Variants in LZTFL1 observed in about 807,000 individuals in gnomAD.
LZTFL1 encodes the protein leucine zipper transcription factor-like protein 1.
LZTFL1 carries 25 observed loss-of-function variants against 45.9 expected under a neutral mutation model. The observed-to-expected ratio is 0.54, with a 90% confidence interval of 0.40 to 0.76. LZTFL1 has a LOEUF of 0.76. LZTFL1 is among the 30% of genes least tolerant of loss of function. The probability of loss-of-function intolerance (pLI) is 0.00; values close to 1 mark genes in which losing one functional copy is unlikely to be tolerated. For synonymous variants in LZTFL1, 93 were observed against 117.4 expected (o/e 0.79, Z 1.35); for missense variants, 277 against 331.1 (o/e 0.84, Z 1.27).
intron 2 of LZTFL1, among the ~76,000 whole-genome samples, chr3:45,873,061 C>A (rs1701694618): frequency 6.6e-6 from 1 of 152,024 alleles, no homozygotes; most frequent in Admixed American, 6.5e-5. Context: ...TAACAAATAC[C>A]ATGACCATGG....
chr3:45,860,351 AATGTGTGTGTGTAT>A (rs1210596366), intron 2 of LZTFL1, among the ~76,000 whole-genome samples: 1 of 151,988 alleles, frequency 6.6e-6, no homozygotes, highest in Non-Finnish European at 1.5e-5. Flanking sequence ...CATGTGCAAG[AATGTGTGTGTGTAT>A]ATGTGTGTGT....
intron 7 of LZTFL1, among the ~76,000 whole-genome samples, chr3:45,829,608 G>GGA (rs1471679058): frequency 6.8e-5 from 4 of 58,932 alleles, no homozygotes; most frequent in African/African-American, 2.4e-4. Flanking sequence ...TGTCTCAAAA[G>GGA]AAAAAAAAAA....
At position 45,830,952 on chromosome 3, in the gene LZTFL1, T is replaced by TAA. The variant is rs1420908561; in HGVS notation, c.560_561insTT (p.Lys187AsnfsTer2). 2 of 1,613,900 alleles carry TAA rather than the reference T, an allele frequency of 1.2e-6. No homozygotes were observed. Among genetic ancestry groups the TAA allele is most frequent in the Admixed American group, 3.3e-5 (2 of 60,008 alleles). ...GATCAAGCTGTAAATCTTGCAGTGC[T>TAA]TTTTCTAGTTTTGACTTTTCATCCA... On this transcript the variant is annotated frameshift_variant, in exon 7 of 10. Transcript: ENST00000296135. LOFTEE classifies it high-confidence loss of function.
chr3:45,836,772 G>A (rs1700977804), intron 2 of LZTFL1, among the ~76,000 whole-genome samples: 1 of 152,240 alleles, frequency 6.6e-6, no homozygotes, highest in African/African-American at 2.4e-5. Flanking sequence ...CAGGTTTGAA[G>A]AGTGGAGATG....
At chr3:45,898,693 A>C (rs79863066) in intron 2 of LZTFL1, among the ~76,000 whole-genome samples, 2,183 of 152,342 alleles carry the variant, frequency 0.014, 52 homozygotes, top group African/African-American at 0.049. Context: ...CCCAAATAGG[A>C]CTAACATCTA....
intron 2 of LZTFL1, among the ~76,000 whole-genome samples, chr3:45,876,657 G>A (rs564453844): frequency 6.6e-6 from 1 of 152,136 alleles, no homozygotes; most frequent in Non-Finnish European, 1.5e-5. Flanking sequence ...TCCCTTGAAG[G>A]GGGTAGTATC....
chr3:45,830,456 C>T (rs1700784356), intron 7 of LZTFL1, among the ~76,000 whole-genome samples: 1 of 152,112 alleles, frequency 6.6e-6, no homozygotes, highest in South Asian at 2.1e-4. Context: ...ATCATTTTGT[C>T]ACACTCATCA....
intron 3 of LZTFL1, among the ~76,000 whole-genome samples, chr3:45,855,927 C>T (rs1473004202): frequency 6.6e-6 from 1 of 152,158 alleles, no homozygotes; most frequent in Non-Finnish European, 1.5e-5. Context: ...AAAAATATTC[C>T]ATGCTTATGG....
At position 45,823,896 on chromosome 3, in the gene LZTFL1, G is replaced by A. The variant is rs1402547121; in HGVS notation, c.*2418C>T. 1.3e-5 allele frequency: 2 copies of A among 152,138 alleles called. No homozygotes were observed. The highest frequency in any genetic ancestry group is 4.8e-5 in the African/African-American group (2 of 41,406). The allele number at this position is 152,138 out of a possible 1,614,324, so 9.4% of individuals were successfully genotyped here. A position where few individuals can be genotyped will look rare whatever the true frequency, so the allele number is the denominator to read the frequency against. On this transcript the variant is annotated 3_prime_UTR_variant, in exon 10 of 10. Transcript: ENST00000296135. ...AAATCTCTTTCAGTTAATCAGAATG[G>A]AAATAATGAATAGCAAAGGCTTTAT...
rs982964166 is a variant in LZTFL1 at position 45,900,561 on chromosome 3, A to G, written c.-215+12559T>C. 1.3e-5 allele frequency among the ~76,000 whole-genome samples: 2 copies of G among 152,214 alleles called. No homozygotes were observed. Among genetic ancestry groups the G allele is most frequent in the Non-Finnish European group, 2.9e-5 (2 of 68,044 alleles). On this transcript the variant is annotated intron_variant, in intron 2 of 4. Transcript: ENST00000472635. The surrounding 1 kb of genome is among the most constrained non-coding windows in gnomAD (Gnocchi z 4.7). ...AAGTTTCCTGAGAGTGAAGCCACAC[A>G]TCTGACTTATTTATTATGGTTTCTT...
chr3:45,895,164 G>A (rs1702313126), intron 2 of LZTFL1: 4 of 597,780 alleles, frequency 6.7e-6, no homozygotes, highest in Middle Eastern at 4.1e-4. Context: ...TTTGGGGTAT[G>A]TTGTGGAGAC....
chr3:45,850,045 T>C (rs1444967845), intron 4 of LZTFL1, among the ~76,000 whole-genome samples: 10 of 152,176 alleles, frequency 6.6e-5, no homozygotes, highest in Non-Finnish European at 1.3e-4. Flanking sequence ...TGTTGAGAGA[T>C]TTTTCCATGT....
Position 45,837,977 on chromosome 3 carries a change from G to A in LZTFL1, c.78C>T (p.Gly26=), listed in dbSNP as rs768526854. The A allele has an allele frequency of 6.2e-7, 1 of 1,613,774 alleles. No homozygotes were observed. Among genetic ancestry groups the A allele is most frequent in the South Asian group, 1.1e-5 (1 of 91,000 alleles). The change falls in exon 2 of 10, where the codon GGC becomes GGT. Residue 26 remains glycine, a synonymous_variant. Coordinates refer to ENST00000296135, the MANE Select transcript of LZTFL1 (RefSeq NM_020347.4). ...AGGAATCTACAGTTTTGAGTCTCAA[G>A]CCTCTCTTTGAACGAGCAAAACGCA... ...NYMRFARSKR[G]LRLKTVDSCF...
rs898252111 is a variant in LZTFL1 at position 45,867,380 on chromosome 3, G to T, written c.-214-8364C>A. Among the ~76,000 whole-genome samples, 4 of 152,050 alleles carry T rather than the reference G, an allele frequency of 2.6e-5. No individual in the cohort carries two copies. In the East Asian group the frequency reaches 7.7e-4, roughly 29 times the overall value. ...ATGGGCACTTCCGGGCCATTCTTGT[G>T]CCAGAACTGTCCTTGGCTCCTGCCA... On this transcript the variant is annotated intron_variant, in intron 2 of 4. Coordinates refer to the LZTFL1 transcript ENST00000472635.
At position 45,825,221 on chromosome 3, in the gene LZTFL1, C is replaced by A; in HGVS notation, c.*1093G>T. 1 of 240,030 alleles carries A rather than the reference C, an allele frequency of 4.2e-6. No homozygotes were observed. The highest frequency in any genetic ancestry group is 7.9e-6 in the Non-Finnish European group (1 of 126,382). 14.9% of individuals were successfully genotyped at this position (240,030 alleles called of 1,614,324 possible). A position where few individuals can be genotyped will look rare whatever the true frequency, so the allele number is the denominator to read the frequency against. On this transcript the variant is annotated 3_prime_UTR_variant, in exon 10 of 10. Transcript: ENST00000296135. Reference sequence around the variant, plus strand: ...GGTGTGATACTCTCACTTTTAGAAGCAGGAAAAATTACTAAATATTAATAT... The same window carrying A: ...GGTGTGATACTCTCACTTTTAGAAGAAGGAAAAATTACTAAATATTAATAT...
chr3:45,894,941 C>T, intron 2 of LZTFL1: 3 of 1,614,006 alleles, frequency 1.9e-6, no homozygotes, highest in Non-Finnish European at 2.5e-6. Flanking sequence ...ACCATGACAC[C>T]CACAGACTTC....
chr3:45,887,251 C>CTGTGTGTGTGTG (rs36040178), intron 2 of LZTFL1, among the ~76,000 whole-genome samples: 74 of 149,222 alleles, frequency 5.0e-4, no homozygotes, highest in Admixed American at 1.5e-3. Context: ...GCGTGTGTGT[C>CTGTGTGTGTGTG]TGTGTGTGTG....
intron 9 of LZTFL1, among the ~76,000 whole-genome samples, chr3:45,826,550 A>G (rs1413110907): frequency 1.3e-5 from 2 of 152,220 alleles, no homozygotes; most frequent in African/African-American, 4.8e-5. Context: ...AAGTCTGTAT[A>G]TTTGGCATTT....
intron 2 of LZTFL1, among the ~76,000 whole-genome samples, chr3:45,870,448 T>A (rs979937700): frequency 6.6e-6 from 1 of 152,188 alleles, no homozygotes; most frequent in Non-Finnish European, 1.5e-5. Flanking sequence ...TCAGGGTGAG[T>A]TATGGTGTCT....
Sources: allele counts gnomAD v4.1 joint callset (sites outside exome capture counted in the v4.1 genomes callset), GRCh38; gene constraint gnomAD v4.1.1; non-coding constraint Gnocchi (gnomAD v3.1); transcripts MANE v1.5; gene names NCBI Gene and HGNC (gene_info 2026-07-23, HGNC 2026-07-21).